Variants in NLN observed in about 807,000 individuals in gnomAD.
The protein encoded by NLN is neurolysin, mitochondrial.
In NLN, 64 loss-of-function variants were observed where a neutral mutation model predicts 79.9. That is an observed-to-expected ratio of 0.80 (90% confidence interval 0.65 to 0.99). NLN has a LOEUF of 0.99. NLN is among the 50% of genes least tolerant of loss of function. NLN has a pLI of 0.00. For missense variants in NLN, 835 were observed against 858.7 expected (o/e 0.97, Z 0.34); for synonymous variants, 267 against 296.6 (o/e 0.90, Z 1.02).
chr5:65,773,282 C>A (rs1012664811), intron 3 of NLN, among the ~76,000 whole-genome samples: 3 of 152,040 alleles, frequency 2.0e-5, no homozygotes, highest in African/African-American at 7.2e-5. Context: ...CAAGCTTGCA[C>A]CACCATCTCC....
chr5:65,769,057 T>C (rs1759512683), intron 3 of NLN, among the ~76,000 whole-genome samples: 1 of 152,244 alleles, frequency 6.6e-6, no homozygotes, highest in Non-Finnish European at 1.5e-5. Context: ...ACTTCTTTCA[T>C]GAGACTCAGT....
At chr5:65,775,493 C>G (rs1759661075) in intron 3 of NLN, among the ~76,000 whole-genome samples, 1 of 152,214 alleles carries the variant, frequency 6.6e-6, no homozygotes, top group Non-Finnish European at 1.5e-5. Context: ...GCCCTTCTCA[C>G]CAGGGATTCC....
At chr5:65,816,871 G>A (rs1760682508) in intron 12 of NLN, among the ~76,000 whole-genome samples, 1 of 152,152 alleles carries the variant, frequency 6.6e-6, no homozygotes, top group South Asian at 2.1e-4. Flanking sequence ...AAGGTAGCGG[G>A]ATGGCCCTTC....
At chr5:65,773,123 T>C (rs932701351) in intron 3 of NLN, among the ~76,000 whole-genome samples, 1 of 133,948 alleles carries the variant, frequency 7.5e-6, no homozygotes, top group African/African-American at 2.9e-5. Context: ...CAGCCCTGAA[T>C]TCTATTTTTT....
At chr5:65,811,095 A>C (rs1481693044) in intron 11 of NLN, among the ~76,000 whole-genome samples, 1 of 152,230 alleles carries the variant, frequency 6.6e-6, no homozygotes, top group African/African-American at 2.4e-5. Flanking sequence ...GGACTCATGC[A>C]TGGGCGTGTT....
At chr5:65,765,255 C>T (rs899779770) in intron 3 of NLN, among the ~76,000 whole-genome samples, 4 of 152,184 alleles carry the variant, frequency 2.6e-5, no homozygotes, top group African/African-American at 4.8e-5. Context: ...CGGTGGCTCA[C>T]GCCTGTAATC....
chr5:65,738,534 C>G (rs1322688286), intron 1 of NLN, among the ~76,000 whole-genome samples: 5 of 151,824 alleles, frequency 3.3e-5, no homozygotes, highest in Admixed American at 2.0e-4. Context: ...GATTGCGCCA[C>G]TGCACTCTAG....
chr5:65,824,248 C>T lies in NLN; in HGVS notation c.*1333C>T, dbSNP rs1050725288. ...AGCCGGGGACAAAATTAGCACCTTC[C>T]GATTCTCTAGTCCAAATGAACTTTG... On this transcript the variant is annotated 3_prime_UTR_variant, in exon 13 of 13. Coordinates refer to ENST00000380985, the MANE Select transcript of NLN (RefSeq NM_020726.5). 38 of 152,242 alleles carry T rather than the reference C, an allele frequency of 2.5e-4. No individual in the cohort carries two copies. Among genetic ancestry groups the T allele is most frequent in the Non-Finnish European group, 3.7e-4 (25 of 68,018 alleles). The allele number at this position is 152,242 out of a possible 1,614,324, so 9.4% of individuals were successfully genotyped here. A position where few individuals can be genotyped will look rare whatever the true frequency, so the allele number is the denominator to read the frequency against.
chr5:65,763,099 T>C lies in NLN; in HGVS notation c.441T>C (p.Val147=). The change falls in exon 3 of 13, where the codon GTT becomes GTC. Residue 147 remains valine, a synonymous_variant. Coordinates refer to ENST00000380985, the MANE Select transcript of NLN (RefSeq NM_020726.5). ...GAGGAGATATATTTGAGAGAATTGT[T>C]CATTTACAGGTAAGTGGTGTTATAA... ...SMRGDIFERI[V]HLQETCDLGK... is the part of the protein sequence containing the mutation. 8 of 1,613,540 alleles carry C rather than the reference T, an allele frequency of 5.0e-6. No homozygotes were observed. The Admixed American group carries it at 1.3e-4, about 27-fold the overall frequency.
At chr5:65,772,317 G>A (rs1759586574) in intron 3 of NLN, among the ~76,000 whole-genome samples, 1 of 152,134 alleles carries the variant, frequency 6.6e-6, no homozygotes, top group Non-Finnish European at 1.5e-5. Flanking sequence ...TTAGTGCCAG[G>A]AATAATTAGG....
At chr5:65,792,418 T>C in intron 8 of NLN, 36 bp from the exon 9 acceptor site, 1 of 1,458,316 alleles carries the variant, frequency 6.9e-7, no homozygotes, top group Non-Finnish European at 9.6e-7. Context: ...AGAGGAGAAT[T>C]TTCCTATGTT....
intron 3 of NLN, among the ~76,000 whole-genome samples, chr5:65,775,447 G>A (rs566647588): frequency 9.2e-5 from 14 of 152,176 alleles, no homozygotes; most frequent in East Asian, 1.9e-4. Context: ...TAGCCTGCTC[G>A]CCTGGGTCCT....
At chr5:65,765,496 C>G (rs1004193600) in intron 3 of NLN, among the ~76,000 whole-genome samples, 1 of 151,752 alleles carries the variant, frequency 6.6e-6, no homozygotes, top group Non-Finnish European at 1.5e-5. Context: ...CCAGCCTGGG[C>G]AACAAGAGCA....
At chr5:65,784,116 T>G (rs1167069964) in intron 6 of NLN, among the ~76,000 whole-genome samples, 1 of 152,172 alleles carries the variant, frequency 6.6e-6, no homozygotes, top group East Asian at 1.9e-4. Flanking sequence ...TGGAACCAAA[T>G]TTTGAATGCA....
intron 1 of NLN, among the ~76,000 whole-genome samples, chr5:65,750,018 C>A (rs1759068671): frequency 6.6e-6 from 1 of 152,170 alleles, no homozygotes; most frequent in Non-Finnish European, 1.5e-5. Flanking sequence ...TCCTCTGTTT[C>A]TCTGTCCTTT....
chr5:65,822,696 C>A, intron 12 of NLN, 85 bp from the exon 13 acceptor site: 1 of 998,960 alleles, frequency 1.0e-6, no homozygotes, highest in African/African-American at 1.6e-5. Context: ...TTTTCCTTCA[C>A]CCCTACCCTC....
chr5:65,759,009 C>G (rs533334868), intron 2 of NLN, among the ~76,000 whole-genome samples, 183 bp downstream of exon 2: 1 of 152,270 alleles, frequency 6.6e-6, no homozygotes, highest in South Asian at 2.1e-4. Context: ...AATGTACACT[C>G]TGATTACACT....
chr5:65,725,843 T>C lies in NLN; in HGVS notation c.41+3429T>C, dbSNP rs977122597. On this transcript the variant is annotated intron_variant, in intron 1 of 12. Coordinates refer to ENST00000380985, the MANE Select transcript of NLN (RefSeq NM_020726.5). ...ATGGTGTTCCATGGGCTGGGCACGG[T>C]GGCTCACGCCTGTAATCCCAGCACT... Among the ~76,000 whole-genome samples, 9 of 152,360 alleles carry C rather than the reference T, an allele frequency of 5.9e-5. No homozygotes were observed. The East Asian group carries it at 1.5e-3, about 26-fold the overall frequency.
chr5:65,827,285 C>G lies in NLN; in HGVS notation c.*4370C>G, dbSNP rs918298616. 1 of 152,114 alleles carries G rather than the reference C, an allele frequency of 6.6e-6. No homozygotes were observed. Among genetic ancestry groups the G allele is most frequent in the Admixed American group, 6.5e-5 (1 of 15,270 alleles). The allele number at this position is 152,114 out of a possible 1,614,324, so 9.4% of individuals were successfully genotyped here. On this transcript the variant is annotated 3_prime_UTR_variant, in exon 13 of 13. Coordinates refer to ENST00000380985, the MANE Select transcript of NLN (RefSeq NM_020726.5). Reference sequence around the variant, plus strand: ...CTGAGAAAATACAGGTTCAACACATCTAGTCCACGATGTACGTACAAGGGG... The same window carrying G: ...CTGAGAAAATACAGGTTCAACACATGTAGTCCACGATGTACGTACAAGGGG...
Sources: allele counts gnomAD v4.1 joint callset (sites outside exome capture counted in the v4.1 genomes callset), GRCh38; gene constraint gnomAD v4.1.1; transcripts MANE v1.5; gene names NCBI Gene and HGNC (gene_info 2026-07-23, HGNC 2026-07-21).